The following NPSR1 variants were observed in gnomAD, a reference collection of about 807,000 sequenced individuals.
NPSR1 encodes neuropeptide S receptor 1, also known as neuropeptide S receptor.
NPSR1 carries 48 observed loss-of-function variants against 46.9 expected under a neutral mutation model. The observed-to-expected ratio is 1.02, with a 90% CI of 0.81 to 1.30. NPSR1 has a LOEUF of 1.30. Among genes scored for constraint, NPSR1 ranks in the 50% most tolerant of loss-of-function variants. The pLI is 0.00. For missense variants in NPSR1, 450 were observed against 449.5 expected, an observed-to-expected ratio of 1.00 and a Z score of -0.01; for synonymous variants, 176 against 168.1, an observed-to-expected ratio of 1.05 and a Z score of -0.36.
At chr7:34,667,094 T>C (rs1791791272) in intron 1 of NPSR1, among the ~76,000 whole-genome samples, 1 of 152,234 alleles carries the variant, frequency 6.6e-6, no homozygotes. Flanking sequence ...TAAGAAGATT[T>C]TTTTATTCTC....
intron 7 of NPSR1, among the ~76,000 whole-genome samples, 174 bp downstream of exon 7, chr7:34,845,156 T>C (rs1002336566): frequency 6.6e-6 from 1 of 152,176 alleles, no homozygotes; most frequent in African/African-American, 2.4e-5. Flanking sequence ...AGGGCTGACA[T>C]TTGGTTCCTA....
intron 2 of NPSR1, among the ~76,000 whole-genome samples, chr7:34,717,192 G>C (rs1783618660): frequency 6.6e-6 from 1 of 152,202 alleles, no homozygotes; most frequent in African/African-American, 2.4e-5. Context: ...CAGTGCAATA[G>C]CGCGAACTCA....
At chr7:34,868,053 A>G (rs1472941250) in intron 8 of NPSR1, among the ~76,000 whole-genome samples, 1 of 151,886 alleles carries the variant, frequency 6.6e-6, no homozygotes, top group Non-Finnish European at 1.5e-5. Flanking sequence ...TAAGATTGAC[A>G]GTTCAACTAG....
At position 34,663,067 on chromosome 7, in the gene NPSR1, C is replaced by CTCTCTCTCTCTCTCTG. The variant is rs35826710; in HGVS notation, c.147+4509_147+4510insCTCTCTCTCTCTCTGT. Among the ~76,000 whole-genome samples, 116 of 99,410 alleles carry CTCTCTCTCTCTCTCTG rather than the reference C, an allele frequency of 1.2e-3. 1 individual carries two copies. Among genetic ancestry groups the CTCTCTCTCTCTCTCTG allele is most frequent in the African/African-American group, 6.2e-3 (109 of 17,632 alleles). 65.2% of individuals were successfully genotyped at this position (99,410 alleles called of 152,430 possible). Reference sequence around the variant, plus strand: ...TCTCTCTCTCTCTCTCTCTCTCTCTCTGTGTGTGTGTGTGTATGTGTGTGT... The same window carrying CTCTCTCTCTCTCTCTG: ...TCTCTCTCTCTCTCTCTCTCTCTCTCTCTCTCTCTCTCTCTGTGTGTGTGTGTGTGTATGTGTGTGT... On this transcript the variant is annotated intron_variant, in intron 1 of 8. Transcript: ENST00000360581.
intron 2 of NPSR1, among the ~76,000 whole-genome samples, chr7:34,711,908 A>G (rs941217746): frequency 6.6e-6 from 1 of 152,254 alleles, no homozygotes; most frequent in Admixed American, 6.5e-5. Context: ...GAGCCTTGCC[A>G]AGGTTTGCAA....
chr7:34,819,871 C>T (rs552991755), intron 4 of NPSR1, among the ~76,000 whole-genome samples: 5 of 152,146 alleles, frequency 3.3e-5, no homozygotes, highest in Admixed American at 2.0e-4. Context: ...AACTGAACAA[C>T]GAAAACACTT....
chr7:34,747,544 G>C (rs17150824), intron 2 of NPSR1, among the ~76,000 whole-genome samples: 21,820 of 152,186 alleles, frequency 0.14, 2,074 homozygotes, highest in East Asian at 0.34. Context: ...TAAGTGCAAG[G>C]TGGAATCAGA....
chr7:34,728,428 C>G (rs938797013), intron 2 of NPSR1, among the ~76,000 whole-genome samples: 1 of 152,172 alleles, frequency 6.6e-6, no homozygotes, highest in African/African-American at 2.4e-5. Flanking sequence ...CCCACCTGAG[C>G]CAGTGATGCT....
At chr7:34,744,850 A>G (rs1402148091) in intron 2 of NPSR1, among the ~76,000 whole-genome samples, 1 of 152,218 alleles carries the variant, frequency 6.6e-6, no homozygotes, top group Non-Finnish European at 1.5e-5. Flanking sequence ...TTCTGCATTT[A>G]TGAATTCAAC....
At chr7:34,723,201 G>C (rs1010543399) in intron 2 of NPSR1, 2 of 152,688 alleles carry the variant, frequency 1.3e-5, no homozygotes, top group African/African-American at 4.8e-5. Context: ...CTCATGAATG[G>C]AGAACTTCTG....
intron 1 of NPSR1, among the ~76,000 whole-genome samples, chr7:34,660,953 A>AT (rs1791425331): frequency 6.6e-6 from 1 of 152,116 alleles, no homozygotes; most frequent in Non-Finnish European, 1.5e-5. Flanking sequence ...CTATTTCCAT[A>AT]TGTGTTGGCT....
intron 2 of NPSR1, among the ~76,000 whole-genome samples, chr7:34,688,491 C>G (rs1223242581): frequency 6.6e-6 from 1 of 152,170 alleles, no homozygotes. Context: ...GCCCCCTTAA[C>G]AGTGGAGCTT....
chr7:34,784,314 G>A (rs1056333815), intron 3 of NPSR1, among the ~76,000 whole-genome samples: 1 of 152,084 alleles, frequency 6.6e-6, no homozygotes, highest in Non-Finnish European at 1.5e-5. Flanking sequence ...GATATTGGCT[G>A]TGGGTTTGTC....
chr7:34,752,002 C>T (rs927690932), intron 2 of NPSR1: 15 of 810,690 alleles, frequency 1.9e-5, no homozygotes, highest in Middle Eastern at 2.2e-4. Flanking sequence ...TTGGCGATGG[C>T]ATGGCACACC....
intron 2 of NPSR1, among the ~76,000 whole-genome samples, chr7:34,762,955 C>G (rs923336068): frequency 6.6e-6 from 1 of 152,188 alleles, no homozygotes; most frequent in Non-Finnish European, 1.5e-5. Flanking sequence ...CAAACAGCAA[C>G]TGAGAGAAAG....
At chr7:34,852,656 G>A (rs1790963836), downstream of NPSR1, among the ~76,000 whole-genome samples, 3 of 152,152 alleles carry the variant, frequency 2.0e-5, no homozygotes, top group South Asian at 2.1e-4. Flanking sequence ...TTTCCCAACT[G>A]AGAAATGCAG....
At chr7:34,765,114 G>A (rs918672532) in intron 2 of NPSR1, among the ~76,000 whole-genome samples, 2 of 152,082 alleles carry the variant, frequency 1.3e-5, no homozygotes, top group South Asian at 2.1e-4. Context: ...CAAAACTCAA[G>A]TCTAGCTAGA....
intron 4 of NPSR1, among the ~76,000 whole-genome samples, chr7:34,817,896 T>C (rs1334096588): frequency 6.6e-6 from 1 of 152,176 alleles, no homozygotes; most frequent in African/African-American, 2.4e-5. Flanking sequence ...GTCAATAAAC[T>C]AGGTATTGAT....
chr7:34,776,472 A>G (rs1786963094), intron 2 of NPSR1, among the ~76,000 whole-genome samples: 1 of 151,980 alleles, frequency 6.6e-6, no homozygotes, highest in African/African-American at 2.4e-5. Context: ...ATCTCTTCCT[A>G]TAGTTTTTGT....
Sources: gnomAD v4.1 joint callset for allele counts (sites outside exome capture counted in the v4.1 genomes callset) on GRCh38, gnomAD v4.1.1 for gene constraint, MANE v1.5 for transcripts, NCBI Gene and HGNC (gene_info 2026-07-23, HGNC 2026-07-21) for gene names.